GDPD5: variants seen among roughly 807,000 people sequenced by gnomAD.
The protein encoded by GDPD5 is glycerophosphodiester phosphodiesterase domain containing 5.
GDPD5 carries 48 observed loss-of-function variants against 75.1 expected under a neutral mutation model. That is an observed-to-expected ratio of 0.64 (90% confidence interval 0.51 to 0.81). The LOEUF is 0.81. Ranked by LOEUF, GDPD5 falls within the 40% of genes least tolerant of loss-of-function variation. The pLI is 0.00. For synonymous variants in GDPD5, 336 were observed against 339.0 expected, an observed-to-expected ratio of 0.99 and a Z score of 0.10; for missense variants, 706 against 822.6, an observed-to-expected ratio of 0.86 and a Z score of 1.73.
intron 3 of GDPD5, among the ~76,000 whole-genome samples, chr11:75,470,701 G>A (rs1949642351): frequency 6.6e-6 from 1 of 152,062 alleles, no homozygotes; most frequent in South Asian, 2.1e-4. Flanking sequence ...TTTAAAAATA[G>A]AAAAAAATAC....
chr11:75,442,452 G>A lies in GDPD5; in HGVS notation c.1078C>T (p.Arg360Cys), dbSNP rs368361611. The change falls in exon 12 of 17, where the codon CGT becomes TGT. Residue 360 changes from arginine (R) to cysteine (C), a missense_variant. Arg to Cys is a radical substitution (Grantham distance 180, BLOSUM62 -3). Coordinates refer to ENST00000336898, the MANE Select transcript of GDPD5 (RefSeq NM_030792.8). ...KGNATLLLNL[R>C]DPPREHPYRS... Reference sequence around the variant, plus strand: ...TAGGGGTGCTCCCGGGGCGGGTCACGCAGGTTGAGCAGCAGTGTGGCATTG... The same window carrying A: ...TAGGGGTGCTCCCGGGGCGGGTCACACAGGTTGAGCAGCAGTGTGGCATTG... 13 of 1,613,238 alleles carry A rather than the reference G, an allele frequency of 8.1e-6. No individual in the cohort carries two copies. The highest frequency in any genetic ancestry group is 5.5e-5 in the South Asian group (5 of 90,936).
intron 1 of GDPD5, among the ~76,000 whole-genome samples, chr11:75,497,518 C>A (rs2135439905): frequency 6.8e-6 from 1 of 146,406 alleles, no homozygotes; most frequent in Non-Finnish European, 1.5e-5. Context: ...AGACCACTTT[C>A]TCCTCTGGGA....
At chr11:75,524,296 T>C (rs1941579333) in intron 1 of GDPD5, among the ~76,000 whole-genome samples, 1 of 152,196 alleles carries the variant, frequency 6.6e-6, no homozygotes, top group Admixed American at 6.5e-5. Flanking sequence ...ACACTAATTC[T>C]CACCACAGCC....
At chr11:75,521,594 G>C (rs951587395) in intron 1 of GDPD5, among the ~76,000 whole-genome samples, 2 of 152,194 alleles carry the variant, frequency 1.3e-5, no homozygotes, top group Non-Finnish European at 2.9e-5. Flanking sequence ...GTATTGTGTG[G>C]ATACATTTTA....
At chr11:75,466,512 G>C (rs529512911) in intron 3 of GDPD5, among the ~76,000 whole-genome samples, 1 of 152,288 alleles carries the variant, frequency 6.6e-6, no homozygotes, top group Admixed American at 6.5e-5. Context: ...AAGCCAATCT[G>C]GCCCTGCTCC....
At chr11:75,486,553 C>T (rs547890478) in intron 2 of GDPD5, among the ~76,000 whole-genome samples, 3 of 152,204 alleles carry the variant, frequency 2.0e-5, no homozygotes, top group Non-Finnish European at 2.9e-5. Flanking sequence ...GCTCCGGGAT[C>T]ATGGCCTTGG....
intron 1 of GDPD5, among the ~76,000 whole-genome samples, chr11:75,505,472 T>C (rs886948991): frequency 5.3e-5 from 8 of 152,144 alleles, no homozygotes; most frequent in African/African-American, 1.9e-4. Context: ...CTTGGGCCAG[T>C]CCTTTTCCTT....
chr11:75,438,412 C>A (rs948288654), intron 15 of GDPD5: 1 of 152,240 alleles, frequency 6.6e-6, no homozygotes, highest in Non-Finnish European at 1.5e-5. Context: ...CCCAGCGTGT[C>A]TGTGCCAGCC....
At chr11:75,525,022 G>A (rs531755859) in intron 1 of GDPD5, among the ~76,000 whole-genome samples, 188 bp downstream of exon 1, 7 of 152,328 alleles carry the variant, frequency 4.6e-5, no homozygotes, top group African/African-American at 1.7e-4. Context: ...GCGGGGCGGG[G>A]CAGGGCGCGA....
chr11:75,483,215 C>G (rs1949955557), intron 2 of GDPD5, among the ~76,000 whole-genome samples: 1 of 152,156 alleles, frequency 6.6e-6, no homozygotes, highest in African/African-American at 2.4e-5. Context: ...AGAGAACGCT[C>G]TCACCTCTGA....
chr11:75,510,967 G>C (rs1246758285), intron 1 of GDPD5, among the ~76,000 whole-genome samples: 1 of 152,208 alleles, frequency 6.6e-6, no homozygotes, highest in African/African-American at 2.4e-5. Flanking sequence ...TTCCTTTTAA[G>C]GCATGTATTT....
intron 1 of GDPD5, among the ~76,000 whole-genome samples, chr11:75,503,192 G>A (rs1341171179): frequency 6.6e-6 from 1 of 152,074 alleles, no homozygotes; most frequent in African/African-American, 2.4e-5. Context: ...GCTAATTTTT[G>A]TATTTTTAAT....
intron 1 of GDPD5, among the ~76,000 whole-genome samples, chr11:75,512,028 C>T (rs1950530509): frequency 6.6e-6 from 1 of 152,152 alleles, no homozygotes; most frequent in African/African-American, 2.4e-5. Context: ...CATTATTTTA[C>T]TGCATGCATG....
chr11:75,503,906 G>A (rs1319490800), intron 1 of GDPD5, among the ~76,000 whole-genome samples: 1 of 152,212 alleles, frequency 6.6e-6, no homozygotes, highest in Non-Finnish European at 1.5e-5. Flanking sequence ...GAATGCTGCA[G>A]GATTAGACAT....
chr11:75,479,490 T>TAGGA (rs892404003), intron 2 of GDPD5: 6 of 152,140 alleles, frequency 3.9e-5, no homozygotes, highest in African/African-American at 1.4e-4. Context: ...ACAGCAGCCC[T>TAGGA]AGGAAGGAAG....
chr11:75,438,742 C>T (rs1948696694), intron 15 of GDPD5: 1 of 153,952 alleles, frequency 6.5e-6, no homozygotes, highest in East Asian at 1.9e-4. Flanking sequence ...CCAGGCATAT[C>T]CAGAACAGGA....
chr11:75,486,627 G>C (rs565786988), intron 2 of GDPD5, among the ~76,000 whole-genome samples: 4 of 152,122 alleles, frequency 2.6e-5, no homozygotes, highest in Non-Finnish European at 4.4e-5. Flanking sequence ...TCCCAACCCA[G>C]CTGTGCCTAT....
chr11:75,462,089 G>A (rs1949426127), intron 4 of GDPD5, among the ~76,000 whole-genome samples: 1 of 151,862 alleles, frequency 6.6e-6, no homozygotes, highest in Non-Finnish European at 1.5e-5. Context: ...CCTAGCTAAG[G>A]GAGTTAGGAG....
chr11:75,472,076 T>G lies in GDPD5; in HGVS notation c.117+5543A>C, dbSNP rs961866327. ...TAGGGAGGGCACGTTTTCTGCAGGG[T>G]TGGAACAATGGTCTCTTTGGTACAA... is the stretch of plus-strand genomic sequence containing the variant. On this transcript the variant is annotated intron_variant, in intron 3 of 16. Coordinates refer to ENST00000336898, the MANE Select transcript of GDPD5 (RefSeq NM_030792.8). 2.6e-5 allele frequency among the ~76,000 whole-genome samples: 4 copies of G among 152,218 alleles called. No homozygotes were observed. The East Asian group carries it at 7.7e-4, about 29-fold the overall frequency.
Sources: gnomAD v4.1 joint callset for allele counts (sites outside exome capture counted in the v4.1 genomes callset) on GRCh38, gnomAD v4.1.1 for gene constraint, MANE v1.5 for transcripts, NCBI Gene and HGNC (gene_info 2026-07-23, HGNC 2026-07-21) for gene names.